Variants in RIMS3 observed in about 807,000 individuals in gnomAD.
The protein encoded by RIMS3 is regulating synaptic membrane exocytosis 3.
Under a neutral mutation model 29.2 loss-of-function variants are expected in RIMS3, and 15 were observed. The ratio of observed to expected loss-of-function variants is 0.51; its 90% CI spans 0.34 to 0.79. RIMS3 has a LOEUF of 0.79. Among genes scored for constraint, RIMS3 ranks in the 30% least tolerant of loss-of-function variants. The pLI, the probability that RIMS3 is intolerant of heterozygous loss-of-function variation, is 0.01. For missense variants in RIMS3, 342 were observed against 421.4 expected (o/e 0.81, Z 1.65); for synonymous variants, 161 against 170.1 (o/e 0.95, Z 0.41).
chr1:40,666,695 T>G (rs777179110), upstream of RIMS3, among the ~76,000 whole-genome samples: 1 of 152,278 alleles, frequency 6.6e-6, no homozygotes, highest in African/African-American at 2.4e-5. Context: ...GCTGGAGGCA[T>G]GTAAAACCAG....
the RIMS3 span, among the ~76,000 whole-genome samples, chr1:40,685,678 G>A: frequency 6.6e-6 from 1 of 152,010 alleles, no homozygotes; most frequent in Non-Finnish European, 1.5e-5. Flanking sequence ...CGGAGTAAAG[G>A]GCAATGGATT....
chr1:40,656,513 G>A (rs1359384210), intron 1 of RIMS3, among the ~76,000 whole-genome samples: 1 of 152,164 alleles, frequency 6.6e-6, no homozygotes, highest in East Asian at 1.9e-4. Context: ...GCCGGGCGCG[G>A]TGGCTCACGC....
the RIMS3 span, among the ~76,000 whole-genome samples, chr1:40,679,752 G>C: frequency 6.6e-6 from 1 of 152,110 alleles, no homozygotes; most frequent in African/African-American, 2.4e-5. Context: ...ATTTTTGCTG[G>C]GAAGGCGGGC....
intron 2 of RIMS3, among the ~76,000 whole-genome samples, chr1:40,644,851 G>A (rs570111022): frequency 2.4e-4 from 37 of 152,322 alleles, no homozygotes; most frequent in Non-Finnish European, 4.0e-4. Flanking sequence ...CTGGGCCCCC[G>A]GGCCTGGAAC....
At chr1:40,677,426 C>T in the RIMS3 span, among the ~76,000 whole-genome samples, 6 of 151,484 alleles carry the variant, frequency 4.0e-5, no homozygotes, top group East Asian at 2.0e-4. Flanking sequence ...TGGCCGGGTG[C>T]GGTGGCTCAT....
In RIMS3 at chr1:40,624,908, T is replaced by G. The variant is rs1331979491; in HGVS notation, c.*1609A>C. On this transcript the variant is annotated 3_prime_UTR_variant, in exon 8 of 8. Coordinates refer to ENST00000372684, the MANE Select transcript of RIMS3 (RefSeq NM_014747.3). ...CTGGGGCCACAGCCATTTCAGCACC[T>G]GGGGATAATGCCTGGAGAGAGGTGG... 1 of 152,634 alleles carries G rather than the reference T, an allele frequency of 6.6e-6. No homozygotes were observed. Among genetic ancestry groups the G allele is most frequent in the African/African-American group, 2.4e-5 (1 of 41,422 alleles). The allele number at this position is 152,634 out of a possible 1,614,324, so 9.5% of individuals were successfully genotyped here.
Position 40,654,378 on chromosome 1 carries a change from C to T in RIMS3, c.-206-6536G>A, listed in dbSNP as rs1642241865. On this transcript the variant is annotated intron_variant, in intron 1 of 7. Coordinates refer to ENST00000372684, the MANE Select transcript of RIMS3 (RefSeq NM_014747.3). The surrounding 1 kb of genome is among the most constrained non-coding windows in gnomAD (Gnocchi z 5.3). ...ACGCATTCCCTGCAACCTCTCCACC[C>T]CCGGACCCTTTCAGGGCACAAAGAC... is the stretch of plus-strand genomic sequence containing the variant. Among the ~76,000 whole-genome samples, 1 of 152,198 alleles carries T rather than the reference C, an allele frequency of 6.6e-6. No individual in the cohort carries two copies. Among genetic ancestry groups the T allele is most frequent in the Non-Finnish European group, 1.5e-5 (1 of 68,028 alleles).
chr1:40,658,279 G>A (rs534828248), intron 1 of RIMS3, among the ~76,000 whole-genome samples: 1 of 152,154 alleles, frequency 6.6e-6, no homozygotes, highest in South Asian at 2.1e-4. Context: ...CTCTCCTCAG[G>A]CCTCTGAATG....
chr1:40,679,343 TATGAC>T, the RIMS3 span, among the ~76,000 whole-genome samples: 1 of 152,092 alleles, frequency 6.6e-6, no homozygotes, highest in Non-Finnish European at 1.5e-5. Flanking sequence ...ATTGACCAAA[TATGAC>T]AGGAAGCCAG....
the RIMS3 span, among the ~76,000 whole-genome samples, chr1:40,684,934 G>A: frequency 6.6e-6 from 1 of 152,078 alleles, no homozygotes; most frequent in African/African-American, 2.4e-5. Flanking sequence ...GAAGTTGCAG[G>A]AGAAGCCATA....
intron 1 of RIMS3, among the ~76,000 whole-genome samples, chr1:40,660,378 C>CT (rs535968581): frequency 0.033 from 4,460 of 135,158 alleles, 90 homozygotes; most frequent in African/African-American, 0.043. Flanking sequence ...GTTGGGGCTT[C>CT]TTTTTTTTTT....
chr1:40,641,874 C>T lies in RIMS3; in HGVS notation c.52G>A (p.Val18Met), dbSNP rs753971803. The T allele has an allele frequency of 1.9e-6, 3 of 1,613,684 alleles. No individual in the cohort carries two copies. The highest frequency in any genetic ancestry group is 1.7e-5 in the Admixed American group (1 of 60,030). ...TCACCGCTAATGCTGGAGCTCCGCACCACATTCCTGGAGGCCCCAGATGAG... is the reference window on the plus strand; with the variant it reads ...TCACCGCTAATGCTGGAGCTCCGCATCACATTCCTGGAGGCCCCAGATGAG... Reference protein sequence around the residue: ...PASSGASRNVVRSSSISGEIC... With the variant: ...PASSGASRNVMRSSSISGEIC... The change falls in exon 3 of 8, where the codon GTG (valine) becomes ATG (methionine). Residue 18 changes from valine (V) to methionine (M), a missense_variant. Transcript: ENST00000372684.
chr1:40,691,945 T>C, the RIMS3 span: 1 of 329,882 alleles, frequency 3.0e-6, no homozygotes, highest in Non-Finnish European at 6.0e-6. Context: ...CTTCCCGCCT[T>C]CGCCAGAGAC....
At chr1:40,674,046 A>T in the RIMS3 span, among the ~76,000 whole-genome samples, 1 of 152,134 alleles carries the variant, frequency 6.6e-6, no homozygotes, top group Non-Finnish European at 1.5e-5. Context: ...ATAAACAATA[A>T]CAGTAGCTAC....
the RIMS3 span, among the ~76,000 whole-genome samples, chr1:40,683,890 T>G: frequency 5.3e-5 from 8 of 152,246 alleles, no homozygotes; most frequent in Non-Finnish European, 2.9e-5. Flanking sequence ...TTGTTTAGTC[T>G]GCCTAATCCT....
At chr1:40,677,335 T>G in the RIMS3 span, among the ~76,000 whole-genome samples, 1 of 151,778 alleles carries the variant, frequency 6.6e-6, no homozygotes, top group Non-Finnish European at 1.5e-5. Flanking sequence ...AGATTGAACT[T>G]GATTAAGTGA....
chr1:40,689,730 G>C, the RIMS3 span, among the ~76,000 whole-genome samples: 1 of 152,156 alleles, frequency 6.6e-6, no homozygotes, highest in African/African-American at 2.4e-5. Context: ...TGATAATAAA[G>C]ACTATAGCAA....
chr1:40,637,269 T>C (rs1048215091), intron 3 of RIMS3, among the ~76,000 whole-genome samples: 4 of 152,194 alleles, frequency 2.6e-5, no homozygotes, highest in Non-Finnish European at 5.9e-5. Flanking sequence ...AGGAAGACTT[T>C]ATTCCTCCTG....
chr1:40,677,630 G>A, the RIMS3 span, among the ~76,000 whole-genome samples: 2 of 151,848 alleles, frequency 1.3e-5, no homozygotes, highest in South Asian at 2.1e-4. Context: ...CCCAGGAGGC[G>A]GAGCTTGCAG....
Sources: allele counts gnomAD v4.1 joint callset (sites outside exome capture counted in the v4.1 genomes callset), GRCh38; gene constraint gnomAD v4.1.1; non-coding constraint Gnocchi (gnomAD v3.1); transcripts MANE v1.5; gene names NCBI Gene and HGNC (gene_info 2026-07-23, HGNC 2026-07-21).